TENM4: variants seen among roughly 807,000 people sequenced by gnomAD.
TENM4 encodes teneurin-4.
In TENM4, 82 loss-of-function variants were observed where a neutral mutation model predicts 243.3. That is an observed-to-expected ratio of 0.34 (90% confidence interval 0.28 to 0.40). The LOEUF is 0.40. Ranked by LOEUF, TENM4 falls within the 10% of genes least tolerant of loss-of-function variation. TENM4 has a pLI of 1.00. For synonymous variants in TENM4, 1,412 were observed against 1,456.3 expected, an observed-to-expected ratio of 0.97 and a Z score of 0.69; for missense variants, 3,138 against 3,673.3, an observed-to-expected ratio of 0.85 and a Z score of 3.77.
intron 3 of TENM4, among the ~76,000 whole-genome samples, chr11:79,178,809 C>G (rs56688049): frequency 0.036 from 5,517 of 152,250 alleles, 235 homozygotes; most frequent in African/African-American, 0.098. Flanking sequence ...AAGAAATACC[C>G]GTCAGTGGGT....
chr11:78,821,644 G>A (rs1293069084), intron 12 of TENM4, among the ~76,000 whole-genome samples: 1 of 152,200 alleles, frequency 6.6e-6, no homozygotes, highest in South Asian at 2.1e-4. Flanking sequence ...CAACCAGAAA[G>A]ATTAAAGAAC....
intron 6 of TENM4, among the ~76,000 whole-genome samples, chr11:79,049,102 T>G (rs1859733895): frequency 6.6e-6 from 1 of 152,096 alleles, no homozygotes; most frequent in African/African-American, 2.4e-5. Flanking sequence ...CAGTTAGCCT[T>G]CCTGCAGCCA....
intron 1 of TENM4, among the ~76,000 whole-genome samples, chr11:79,317,735 A>G (rs2135423222): frequency 6.6e-6 from 1 of 152,292 alleles, no homozygotes; most frequent in Non-Finnish European, 1.5e-5. Context: ...AACTCATTGA[A>G]CTGCCTTTCT....
At position 78,701,919 on chromosome 11, in the gene TENM4, T is replaced by G. The variant is rs1437112114; in HGVS notation, c.4694A>C (p.Lys1565Thr). The G allele has an allele frequency of 3.1e-6, 5 of 1,614,010 alleles. No homozygotes were observed. Among genetic ancestry groups the G allele is most frequent in the Middle Eastern group, 3.3e-4 (2 of 6,062 alleles). ...CTGGGTGTTGAGGAAAGGCTTGTTCTTCCGGATAAACCGAATTCGGATGTT... is the reference window on the plus strand; with the variant it reads ...CTGGGTGTTGAGGAAAGGCTTGTTCGTCCGGATAAACCGAATTCGGATGTT... ...LGNIRIRFIR[K>T]NKPFLNTQNM... Residue 1565 changes from lysine to threonine, a missense_variant, in exon 28 of 34, where the codon AAG becomes ACG. Physicochemically the swap from Lys to Thr is moderately conservative, Grantham distance 78. Around this residue, in one of 2 missense-constraint regions of TENM4, gnomAD observed 2,467 missense variants for 3,059.1 expected, o/e 0.81. Transcript: ENST00000278550.
chr11:78,832,983 G>A (rs1482351338), intron 12 of TENM4, among the ~76,000 whole-genome samples: 1 of 152,188 alleles, frequency 6.6e-6, no homozygotes, highest in East Asian at 1.9e-4. Flanking sequence ...GCTGGGTGTG[G>A]ACCTTGCCCT....
At chr11:79,050,259 C>CAA (rs1371687415) in intron 6 of TENM4, among the ~76,000 whole-genome samples, 1 of 152,168 alleles carries the variant, frequency 6.6e-6, no homozygotes, top group African/African-American at 2.4e-5. Flanking sequence ...AAAAAAGTGA[C>CAA]ACGATCTTTT....
At chr11:79,298,315 A>G (rs979814885) in intron 1 of TENM4, among the ~76,000 whole-genome samples, 1 of 151,828 alleles carries the variant, frequency 6.6e-6, no homozygotes, top group Non-Finnish European at 1.5e-5. Flanking sequence ...GGAGATCGAG[A>G]CCATCCTGGC....
intron 1 of TENM4, among the ~76,000 whole-genome samples, chr11:79,381,771 T>C (rs536735871): frequency 7.7e-4 from 117 of 152,150 alleles, no homozygotes; most frequent in Non-Finnish European, 1.1e-3. Flanking sequence ...GTACTCATGT[T>C]ATCTCCAGGT....
chr11:79,004,941 CAAAAAAAAA>C (rs58631195), intron 6 of TENM4, among the ~76,000 whole-genome samples: 1 of 87,794 alleles, frequency 1.1e-5, no homozygotes, highest in African/African-American at 3.8e-5. Context: ...ATAGAAATAC[CAAAAAAAAA>C]AAAAAAAAAA....
chr11:79,407,611 C>T (rs914505540), intron 1 of TENM4, among the ~76,000 whole-genome samples: 14 of 152,132 alleles, frequency 9.2e-5, no homozygotes, highest in African/African-American at 3.1e-4. Flanking sequence ...TTAAAACCTC[C>T]CAAAATGTAA....
intron 2 of TENM4, among the ~76,000 whole-genome samples, chr11:79,222,544 A>G (rs1448588758): frequency 6.6e-6 from 1 of 152,188 alleles, no homozygotes; most frequent in Non-Finnish European, 1.5e-5. Context: ...GTTGGGTCAA[A>G]TGGTGTTTCT....
At chr11:78,789,907 C>T (rs1486701172) in intron 15 of TENM4, among the ~76,000 whole-genome samples, 1 of 152,174 alleles carries the variant, frequency 6.6e-6, no homozygotes, top group African/African-American at 2.4e-5. Flanking sequence ...TCAGTTTTGC[C>T]TGCTCTATGA....
At chr11:78,808,329 T>C (rs118187199) in intron 14 of TENM4, among the ~76,000 whole-genome samples, 1,755 of 152,346 alleles carry the variant, frequency 0.012, 13 homozygotes, top group Non-Finnish European at 0.018. Context: ...GGAGTGATCA[T>C]TTGGTAATAA....
chr11:78,748,626 T>G (rs1464234927), intron 19 of TENM4, among the ~76,000 whole-genome samples: 1 of 152,178 alleles, frequency 6.6e-6, no homozygotes, highest in Non-Finnish European at 1.5e-5. Flanking sequence ...TGGCTTCCAA[T>G]GTTGGCTCTG....
At chr11:78,939,654 G>A (rs1355272678) in intron 6 of TENM4, among the ~76,000 whole-genome samples, 1 of 152,244 alleles carries the variant, frequency 6.6e-6, no homozygotes, top group South Asian at 2.1e-4. Context: ...CAAACTATTA[G>A]TAAAATGGGT....
intron 1 of TENM4, among the ~76,000 whole-genome samples, chr11:79,313,782 T>C (rs971956432): frequency 6.6e-5 from 10 of 152,132 alleles, no homozygotes; most frequent in Non-Finnish European, 1.3e-4. Flanking sequence ...GGCAGAGTAA[T>C]GGCCCTGCCT....
intron 2 of TENM4, among the ~76,000 whole-genome samples, chr11:79,277,652 G>A (rs539768945): frequency 6.6e-6 from 1 of 152,178 alleles, no homozygotes; most frequent in Non-Finnish European, 1.5e-5. Context: ...TGCTGATTTT[G>A]GAGTGAGGGG....
At chr11:78,739,345 G>A (rs984954124) in intron 19 of TENM4, among the ~76,000 whole-genome samples, 3 of 152,106 alleles carry the variant, frequency 2.0e-5, no homozygotes, top group African/African-American at 7.2e-5. Flanking sequence ...CACCCTTGAA[G>A]AGCCAACTAT....
chr11:79,240,507 T>C (rs764722206), intron 2 of TENM4, among the ~76,000 whole-genome samples: 1 of 152,120 alleles, frequency 6.6e-6, no homozygotes, highest in African/African-American at 2.4e-5. Context: ...TGAATTTCTA[T>C]GGGATTTGAA....
Sources: gnomAD v4.1 joint callset for allele counts (sites outside exome capture counted in the v4.1 genomes callset) on GRCh38, gnomAD v4.1.1 for gene constraint, gnomAD v4.1.1 regional missense constraint, MANE v1.5 for transcripts, NCBI Gene and HGNC (gene_info 2026-07-23, HGNC 2026-07-21) for gene names.